Variants in HEPHL1 observed in about 807,000 individuals in gnomAD.
The protein encoded by HEPHL1 is hephaestin like 1, also known as ferroxidase HEPHL1.
HEPHL1 carries 123 observed loss-of-function variants against 122.0 expected under a neutral mutation model. The ratio of observed to expected loss-of-function variants is 1.01; its 90% CI spans 0.87 to 1.17. HEPHL1 has a LOEUF of 1.17. Among genes scored for constraint, HEPHL1 ranks in the 50% most tolerant of loss-of-function variants. The pLI, the probability that HEPHL1 is intolerant of heterozygous loss-of-function variation, is 0.00. For synonymous variants in HEPHL1, 527 were observed against 508.9 expected (o/e 1.04, Z -0.48); for missense variants, 1,452 against 1,430.5 (o/e 1.01, Z -0.24).
rs780810485 is a variant in HEPHL1 at position 94,088,950 on chromosome 11, T to C, written c.2276T>C (p.Val759Ala). The change falls in exon 12 of 20, where the codon GTG becomes GCG. Residue 759 changes from valine (V) to alanine (A), a missense_variant. Physicochemically the swap from Val to Ala is moderately conservative, Grantham distance 64 (BLOSUM62 0). Transcript: ENST00000315765. ...AACTGGGAGTTCGAAAAGCAGCACG[T>C]GGACGCAAGAGGGGAAAGGTACCAC... ...NKNWEFEKQH[V>A]DARGERHGDI... 1 of 1,613,924 alleles carries C rather than the reference T, an allele frequency of 6.2e-7. No homozygotes were observed. Among genetic ancestry groups the C allele is most frequent in the South Asian group, 1.1e-5 (1 of 91,076 alleles).
At chr11:94,042,872 T>TAAAAAAAAAAA (rs1181820453) in intron 1 of HEPHL1, among the ~76,000 whole-genome samples, 1 of 1,204 alleles carries the variant, frequency 8.3e-4, no homozygotes, top group Non-Finnish European at 1.9e-3. Context: ...ACTTAAAGTA[T>TAAAAAAAAAAA]AATAAAAAAA....
intron 1 of HEPHL1, among the ~76,000 whole-genome samples, chr11:94,022,435 C>T (rs537788942): frequency 6.6e-6 from 1 of 152,312 alleles, no homozygotes; most frequent in South Asian, 2.1e-4. Context: ...GTTCCATTTC[C>T]TAAAGATGAG....
chr11:94,083,633 C>T (rs1946191841), intron 10 of HEPHL1, among the ~76,000 whole-genome samples: 1 of 152,338 alleles, frequency 6.6e-6, no homozygotes, highest in South Asian at 2.1e-4. Context: ...CTTAACCTCC[C>T]TTCCTTGCAT....
chr11:94,063,375 C>G (rs1006449725), intron 2 of HEPHL1, 133 bp from the exon 3 acceptor site: 104 of 697,262 alleles, frequency 1.5e-4, no homozygotes, highest in Non-Finnish European at 2.4e-4. Context: ...AAGTAACTTG[C>G]CTCAAGTCCC....
chr11:94,073,132 T>G lies in HEPHL1; in HGVS notation c.1340T>G (p.Leu447Arg). ...VDATFTKRKR[L>R]SAEEAHLGIL... ...GCAACTTTTACTAAAAGAAAGAGACTCTCTGCTGAAGAAGCCCATCTTGGA... is the reference window on the plus strand; with the variant it reads ...GCAACTTTTACTAAAAGAAAGAGACGCTCTGCTGAAGAAGCCCATCTTGGA... Residue 447 changes from leucine (L) to arginine (R), a missense_variant, in exon 7 of 20, where the codon CTC (leucine) becomes CGC (arginine). Transcript: ENST00000315765. 6.2e-7 allele frequency: 1 copy of G among 1,613,200 alleles called. No individual in the cohort carries two copies. The highest frequency in any genetic ancestry group is 1.1e-5 in the South Asian group (1 of 91,046).
At position 94,093,686 on chromosome 11, in the gene HEPHL1, C is replaced by T. The variant is rs764744404; in HGVS notation, c.2434+46C>T. The T allele has an allele frequency of 2.5e-5, 40 of 1,589,330 alleles. No individual in the cohort carries two copies. In the South Asian group the frequency reaches 4.3e-4, roughly 17 times the overall value. On this transcript the variant is annotated intron_variant, in intron 13 of 19. Coordinates refer to ENST00000315765, the MANE Select transcript of HEPHL1 (RefSeq NM_001098672.2). The stretch of plus-strand genomic sequence containing the variant: ...GTGCACTGTCAGCCCCAAGCATGTG[C>T]ATGCACACATACTCATGTGTTCTGT...
chr11:94,039,706 G>C (rs1185539100), intron 1 of HEPHL1, among the ~76,000 whole-genome samples: 27 of 150,502 alleles, frequency 1.8e-4, no homozygotes, highest in Admixed American at 4.0e-4. Flanking sequence ...AGAATCTCTG[G>C]GACACATTCA....
At chr11:94,098,422 C>A (rs1395609485) in intron 13 of HEPHL1, among the ~76,000 whole-genome samples, 2 of 152,216 alleles carry the variant, frequency 1.3e-5, no homozygotes, top group African/African-American at 4.8e-5. Flanking sequence ...GTAACCCGAC[C>A]TTTCTCTCTG....
intron 6 of HEPHL1, among the ~76,000 whole-genome samples, chr11:94,071,852 A>G (rs982544): frequency 0.36 from 54,064 of 151,918 alleles, 10,375 homozygotes; most frequent in Admixed American, 0.45. Flanking sequence ...GAAGAGAGGA[A>G]TTTTAGATGG....
intron 2 of HEPHL1, chr11:94,055,597 G>T: frequency 3.1e-6 from 1 of 321,822 alleles, no homozygotes; most frequent in Non-Finnish European, 6.2e-6. Context: ...GTAACATGAG[G>T]ATCTCTTAGT....
chr11:94,043,095 A>G (rs1280167624), intron 1 of HEPHL1, among the ~76,000 whole-genome samples: 1 of 152,118 alleles, frequency 6.6e-6, no homozygotes, highest in East Asian at 1.9e-4. Context: ...ACATTTTTTA[A>G]ATAAATTATA....
At position 94,103,273 on chromosome 11, in the gene HEPHL1, C is replaced by CAA. The variant is rs755716566; in HGVS notation, c.2682+275_2682+276dup. 9.6e-3 allele frequency among the ~76,000 whole-genome samples: 424 copies of CAA among 44,048 alleles called. 1 individual carries two copies. The highest frequency in any genetic ancestry group is 0.02 in the African/African-American group (232 of 11,600). 28.9% of individuals were successfully genotyped at this position (44,048 alleles called of 152,430 possible). On this transcript the variant is annotated intron_variant, in intron 15 of 19. Coordinates refer to ENST00000315765, the MANE Select transcript of HEPHL1 (RefSeq NM_001098672.2). The stretch of plus-strand genomic sequence containing the variant: ...TACTATCTGGTGATTTTTTTTTTCC[C>CAA]AAAAAAAAAAAAAAAAAAAAAAAGT...
Position 94,113,759 on chromosome 11 carries a change from G to C in HEPHL1, c.*1865G>C, listed in dbSNP as rs549850121. On this transcript the variant is annotated 3_prime_UTR_variant, in exon 20 of 20. Coordinates refer to ENST00000315765, the MANE Select transcript of HEPHL1 (RefSeq NM_001098672.2). Reference sequence around the variant, plus strand: ...AAAGTGTCACATAAGGTGGCTATTTGCATGGTTATTTTCACTTAAAATTAT... The same window carrying C: ...AAAGTGTCACATAAGGTGGCTATTTCCATGGTTATTTTCACTTAAAATTAT... 6.6e-6 allele frequency: 1 copy of C among 151,988 alleles called. No individual in the cohort carries two copies. The highest frequency in any genetic ancestry group is 6.6e-5 in the Admixed American group (1 of 15,264). The allele number at this position is 151,988 out of a possible 1,614,324, so 9.4% of individuals were successfully genotyped here.
In HEPHL1 at chr11:94,036,069, A is replaced by T. The variant is rs576228128; in HGVS notation, c.171-9604A>T. ...TCTTTTAAATTTAATTTTATTTATT[A>T]CTTTCCTTTTATACCACCACTGAAA... is the stretch of plus-strand genomic sequence containing the variant. On this transcript the variant is annotated intron_variant, in intron 1 of 19. Coordinates refer to ENST00000315765, the MANE Select transcript of HEPHL1 (RefSeq NM_001098672.2). Among the ~76,000 whole-genome samples, 18 of 152,230 alleles carry T rather than the reference A, an allele frequency of 1.2e-4. No individual in the cohort carries two copies. In the East Asian group the frequency reaches 3.5e-3, roughly 29 times the overall value.
intron 17 of HEPHL1, among the ~76,000 whole-genome samples, chr11:94,107,145 G>T (rs1946415720): frequency 2.0e-5 from 3 of 152,242 alleles, no homozygotes; most frequent in African/African-American, 7.2e-5. Context: ...TATCCAATGT[G>T]TGGAGAAAAC....
intron 2 of HEPHL1, among the ~76,000 whole-genome samples, chr11:94,062,642 CTT>C (rs201296858): frequency 1.4e-5 from 2 of 143,598 alleles, no homozygotes; most frequent in South Asian, 2.2e-4. Context: ...TACCATCCAG[CTT>C]TTTTTTTTTT....
Position 94,093,659 on chromosome 11 carries a change from G to A in HEPHL1, c.2434+19G>A. On this transcript the variant is annotated intron_variant, in intron 13 of 19. Transcript: ENST00000315765. ...CTCCTGGGTATGGCACAGATTTCAG[G>A]CGTGCACTGTCAGCCCCAAGCATGT... 6.2e-7 allele frequency: 1 copy of A among 1,607,514 alleles called. No individual in the cohort carries two copies. The highest frequency in any genetic ancestry group is 2.2e-5 in the East Asian group (1 of 44,778).
intron 15 of HEPHL1, 78 bp from the exon 16 acceptor site, chr11:94,104,450 C>A: frequency 1.0e-6 from 1 of 999,820 alleles, no homozygotes; most frequent in Non-Finnish European, 1.5e-6. Flanking sequence ...TGACCCTACA[C>A]TAGAATGGTG....
At chr11:94,092,331 T>C (rs1946268395) in intron 12 of HEPHL1, among the ~76,000 whole-genome samples, 1 of 152,222 alleles carries the variant, frequency 6.6e-6, no homozygotes, top group South Asian at 2.1e-4. Context: ...CTTTTGCAAA[T>C]TTGCCTACTT....
Sources: gnomAD v4.1 joint callset for allele counts (sites outside exome capture counted in the v4.1 genomes callset) on GRCh38, gnomAD v4.1.1 for gene constraint, MANE v1.5 for transcripts, NCBI Gene and HGNC (gene_info 2026-07-23, HGNC 2026-07-21) for gene names.